Variants in PARD3 observed in about 807,000 individuals in gnomAD.
PARD3 encodes the protein par-3 family cell polarity regulator.
In PARD3, 75 loss-of-function variants were observed where a neutral mutation model predicts 155.4. The ratio of observed to expected loss-of-function variants is 0.48; its 90% CI spans 0.40 to 0.58. The LOEUF is 0.58. PARD3 is among the 20% of genes least tolerant of loss of function. The pLI is 0.00. For synonymous variants in PARD3, 576 were observed against 610.5 expected (o/e 0.94, Z 0.83); for missense variants, 1,642 against 1,721.7 (o/e 0.95, Z 0.82).
intron 12 of PARD3, among the ~76,000 whole-genome samples, chr10:34,363,885 T>C (rs1839703349): frequency 6.6e-6 from 1 of 152,168 alleles, no homozygotes; most frequent in African/African-American, 2.4e-5. Flanking sequence ...TTTGTTGTCT[T>C]TAAATGCCCA....
intron 4 of PARD3, among the ~76,000 whole-genome samples, chr10:34,458,869 A>G (rs1237292090): frequency 6.6e-6 from 1 of 152,182 alleles, no homozygotes; most frequent in South Asian, 2.1e-4. Context: ...ATTCCCCTAG[A>G]GCCACCAGCA....
intron 22 of PARD3, among the ~76,000 whole-genome samples, chr10:34,188,750 T>A (rs200075195): frequency 3.8e-4 from 33 of 87,452 alleles, no homozygotes; most frequent in African/African-American, 9.8e-4. Flanking sequence ...TAAAATCGCT[T>A]TTTTTTTTTC....
At position 34,480,468 on chromosome 10, in the gene PARD3, C is replaced by T. The variant is rs548407947; in HGVS notation, c.404-10205G>A. On this transcript the variant is annotated intron_variant, in intron 3 of 24. Transcript: ENST00000374788. ...GCCCAGGCTGGTCACAAACTCCTGGCCTCAAAGTGAAACTCCCATCTCAGC... is the reference window on the plus strand; with the variant it reads ...GCCCAGGCTGGTCACAAACTCCTGGTCTCAAAGTGAAACTCCCATCTCAGC... Among the ~76,000 whole-genome samples the T allele has an allele frequency of 4.6e-5, 7 of 152,268 alleles. 1 individual carries two copies. In the South Asian group the frequency reaches 1.5e-3, roughly 32 times the overall value.
At chr10:34,261,791 A>G (rs1955012238) in intron 22 of PARD3, among the ~76,000 whole-genome samples, 1 of 53,278 alleles carries the variant, frequency 1.9e-5, no homozygotes, top group African/African-American at 4.1e-5. Context: ...AAAAGAAAGA[A>G]AGAAAGAAAG....
chr10:34,643,238 G>A (rs1203876375), intron 2 of PARD3, among the ~76,000 whole-genome samples: 2 of 152,244 alleles, frequency 1.3e-5, no homozygotes, highest in East Asian at 1.9e-4. Flanking sequence ...CCCTCGTCTT[G>A]TGTCTAACTC....
At chr10:34,308,781 T>C (rs1957544924) in intron 20 of PARD3, among the ~76,000 whole-genome samples, 1 of 152,156 alleles carries the variant, frequency 6.6e-6, no homozygotes, top group Non-Finnish European at 1.5e-5. Flanking sequence ...CAAAGGCTGT[T>C]TCCTGAGAAT....
chr10:34,681,733 TATATATA>T lies in PARD3; in HGVS notation c.222+14578_222+14584del, dbSNP rs2093828345. On this transcript the variant is annotated intron_variant, in intron 2 of 24. Transcript: ENST00000374788. ...ATATGTATTTTACGTATGTATTTTA[TATATATA>T]TATATATATATATATATATATATAT... Among the ~76,000 whole-genome samples, 22 of 14,552 alleles carry T rather than the reference TATATATA, an allele frequency of 1.5e-3. 1 individual carries two copies. The highest frequency in any genetic ancestry group is 2.2e-3 in the South Asian group (1 of 460). The allele number at this position is 14,552 out of a possible 152,430, so 9.5% of individuals were successfully genotyped here. A position where few individuals can be genotyped will look rare whatever the true frequency, so the allele number is the denominator to read the frequency against.
At chr10:34,222,552 G>C (rs1049581053) in intron 22 of PARD3, among the ~76,000 whole-genome samples, 1 of 152,250 alleles carries the variant, frequency 6.6e-6, no homozygotes, top group Non-Finnish European at 1.5e-5. Context: ...AACCAGGATA[G>C]TAATAAATGG....
chr10:34,211,702 C>T (rs1189143921), intron 22 of PARD3, among the ~76,000 whole-genome samples: 1 of 152,088 alleles, frequency 6.6e-6, no homozygotes, highest in African/African-American at 2.4e-5. Context: ...ATTGCTTGAA[C>T]CCTGGAGGCG....
intron 1 of PARD3, among the ~76,000 whole-genome samples, chr10:34,745,859 G>A (rs994653144): frequency 2.6e-5 from 4 of 152,188 alleles, no homozygotes; most frequent in African/African-American, 9.7e-5. Context: ...CCAGCACTTT[G>A]GGAGGTCAAG....
chr10:34,421,109 C>G (rs1361296947), intron 5 of PARD3, among the ~76,000 whole-genome samples: 1 of 152,098 alleles, frequency 6.6e-6, no homozygotes, highest in Non-Finnish European at 1.5e-5. Flanking sequence ...GTGGTCAAGG[C>G]TGCAGTGAGC....
intron 21 of PARD3, among the ~76,000 whole-genome samples, chr10:34,276,798 A>G (rs1457139156): frequency 6.6e-6 from 1 of 152,168 alleles, no homozygotes; most frequent in Non-Finnish European, 1.5e-5. Context: ...TTACATACCA[A>G]ATACCTCCAT....
chr10:34,422,435 A>C (rs1274471115), intron 5 of PARD3, among the ~76,000 whole-genome samples: 4 of 152,172 alleles, frequency 2.6e-5, no homozygotes, highest in Admixed American at 1.3e-4. Context: ...GATTGCATCA[A>C]ACTAAACTAA....
chr10:34,337,788 A>G (rs1399033725), intron 16 of PARD3, among the ~76,000 whole-genome samples: 2 of 152,244 alleles, frequency 1.3e-5, no homozygotes, highest in African/African-American at 2.4e-5. Context: ...GTCATATATT[A>G]TATACAAACA....
chr10:34,505,052 T>C (rs769700628), intron 3 of PARD3, among the ~76,000 whole-genome samples: 36 of 152,190 alleles, frequency 2.4e-4, no homozygotes, highest in Non-Finnish European at 4.1e-4. Flanking sequence ...AAAAGAACTC[T>C]TGTTTATTGA....
At chr10:34,284,349 A>G (rs968352302) in intron 20 of PARD3, 104 bp from the exon 21 acceptor site, 27 of 657,664 alleles carry the variant, frequency 4.1e-5, no homozygotes, top group Non-Finnish European at 7.1e-5. Context: ...AGCTTCTTCA[A>G]AACAGGGATC....
intron 2 of PARD3, among the ~76,000 whole-genome samples, chr10:34,539,532 C>T (rs944597375): frequency 6.6e-6 from 1 of 152,074 alleles, no homozygotes; most frequent in Non-Finnish European, 1.5e-5. Context: ...TGGTGGCGGG[C>T]ACCTGTAATC....
intron 5 of PARD3, among the ~76,000 whole-genome samples, chr10:34,421,633 G>A (rs1173324217): frequency 6.6e-6 from 1 of 152,044 alleles, no homozygotes; most frequent in Non-Finnish European, 1.5e-5. Context: ...TGTGAATTCA[G>A]AGAGAATTCC....
At chr10:34,600,014 T>G (rs1381884015) in intron 2 of PARD3, among the ~76,000 whole-genome samples, 1 of 151,824 alleles carries the variant, frequency 6.6e-6, no homozygotes, top group Non-Finnish European at 1.5e-5. Context: ...TGTGATGAGA[T>G]CCTACCCAGC....
Sources: gnomAD v4.1 joint callset for allele counts (sites outside exome capture counted in the v4.1 genomes callset) on GRCh38, gnomAD v4.1.1 for gene constraint, MANE v1.5 for transcripts, NCBI Gene and HGNC (gene_info 2026-07-23, HGNC 2026-07-21) for gene names.